Variants in YTHDC1 observed in about 807,000 individuals in gnomAD.
YTHDC1 encodes the protein YTH N6-methyladenosine RNA binding protein C1, also known as YTH domain-containing protein 1.
A neutral mutation model predicts 107.0 loss-of-function variants in YTHDC1; 12 were observed. That is an observed-to-expected ratio of 0.11 (90% CI 0.07 to 0.18). YTHDC1 has a LOEUF of 0.18. Ranked by LOEUF, YTHDC1 falls within the 10% of genes least tolerant of loss-of-function variation. The probability of loss-of-function intolerance (pLI) is 1.00; values close to 1 mark genes in which losing one functional copy is unlikely to be tolerated. For synonymous variants in YTHDC1, 280 were observed against 289.5 expected (o/e 0.97, Z 0.33); for missense variants, 635 against 898.8 (o/e 0.71, Z 3.75).
intron 11 of YTHDC1, among the ~76,000 whole-genome samples, chr4:68,321,109 C>T (rs1193531331): frequency 1.3e-5 from 2 of 149,808 alleles, no homozygotes; most frequent in Non-Finnish European, 3.0e-5. Flanking sequence ...AAGAGTTAAA[C>T]AAAAAAAAAG....
At chr4:68,339,899 T>C (rs1428670573) in intron 1 of YTHDC1, among the ~76,000 whole-genome samples, 5 of 152,324 alleles carry the variant, frequency 3.3e-5, no homozygotes, top group East Asian at 1.9e-4. Flanking sequence ...CACTTCTACC[T>C]TGTCCAACAA....
At chr4:68,347,132 C>T (rs183613740) in intron 1 of YTHDC1, among the ~76,000 whole-genome samples, 3 of 152,152 alleles carry the variant, frequency 2.0e-5, no homozygotes, top group Non-Finnish European at 4.4e-5. Context: ...GACAGATGTA[C>T]TCCGGGCACT....
intron 1 of YTHDC1, among the ~76,000 whole-genome samples, chr4:68,347,332 T>C (rs1725561963): frequency 6.6e-6 from 1 of 152,218 alleles, no homozygotes; most frequent in Non-Finnish European, 1.5e-5. Context: ...TTCCTCCTTA[T>C]ATAGAAAAAT....
intron 1 of YTHDC1, among the ~76,000 whole-genome samples, chr4:68,348,511 A>G (rs1056163458): frequency 6.7e-6 from 1 of 149,368 alleles, no homozygotes; most frequent in Non-Finnish European, 1.5e-5. Flanking sequence ...GAGATTTTTT[A>G]GCATTTAGTT....
intron 1 of YTHDC1, 51 bp from the exon 2 acceptor site, chr4:68,338,435 G>A (rs767579751): frequency 2.9e-6 from 4 of 1,369,326 alleles, no homozygotes; most frequent in Non-Finnish European, 4.0e-6. Context: ...CATTGAACAT[G>A]TATTTTTGAG....
At chr4:68,338,731 C>T (rs1049315343) in intron 1 of YTHDC1, among the ~76,000 whole-genome samples, 1 of 152,124 alleles carries the variant, frequency 6.6e-6, no homozygotes, top group African/African-American at 2.4e-5. Flanking sequence ...ATGCCTTTAA[C>T]CCCAGCTACT....
intron 1 of YTHDC1, among the ~76,000 whole-genome samples, chr4:68,347,465 T>C (rs188404079): frequency 1.2e-3 from 176 of 152,354 alleles, no homozygotes; most frequent in African/African-American, 3.9e-3. Context: ...CTGCAGCTTC[T>C]AGGTATGAGT....
At chr4:68,321,411 T>A (rs1722434175) in intron 11 of YTHDC1, among the ~76,000 whole-genome samples, 1 of 152,198 alleles carries the variant, frequency 6.6e-6, no homozygotes, top group Non-Finnish European at 1.5e-5. Flanking sequence ...ACGACCGGTA[T>A]AAAACATGAT....
intron 8 of YTHDC1, 33 bp downstream of exon 8, chr4:68,330,168 TG>T: frequency 6.4e-7 from 1 of 1,568,584 alleles, no homozygotes. Context: ...ATATAATTAA[TG>T]TTTTTATATG....
chr4:68,311,002 T>C lies in YTHDC1; in HGVS notation c.*3097A>G, dbSNP rs1437613499. ...GTATGAGATCCTGATTTAATGGACATCTGCTAAATTTCCTCTGTCCATGTC... is the reference window on the plus strand; with the variant it reads ...GTATGAGATCCTGATTTAATGGACACCTGCTAAATTTCCTCTGTCCATGTC... On this transcript the variant is annotated 3_prime_UTR_variant, in exon 17 of 17. Transcript: ENST00000344157. 6.6e-6 allele frequency: 1 copy of C among 152,200 alleles called. No individual in the cohort carries two copies. The highest frequency in any genetic ancestry group is 1.5e-5 in the Non-Finnish European group (1 of 68,036). 9.4% of individuals were successfully genotyped at this position (152,200 alleles called of 1,614,324 possible).
chr4:68,335,667 G>A (rs1473996968), intron 4 of YTHDC1, among the ~76,000 whole-genome samples: 2 of 151,778 alleles, frequency 1.3e-5, no homozygotes, highest in Non-Finnish European at 1.5e-5. Context: ...CCTACCCAAG[G>A]GAGTGGTTTC....
chr4:68,348,237 A>T (rs1404493492), intron 1 of YTHDC1, among the ~76,000 whole-genome samples: 2 of 152,200 alleles, frequency 1.3e-5, no homozygotes, highest in Non-Finnish European at 2.9e-5. Context: ...CATCTTAGAC[A>T]ACGAATTCTT....
At chr4:68,314,456 C>G in intron 16 of YTHDC1, 133 bp from the exon 17 acceptor site, 1 of 702,180 alleles carries the variant, frequency 1.4e-6, no homozygotes, top group Non-Finnish European at 2.2e-6. Flanking sequence ...TTATAATCGG[C>G]GGAGAGAACA....
Position 68,316,307 on chromosome 4 carries a change from C to T in YTHDC1, c.1959+7G>A. The T allele has an allele frequency of 6.2e-7, 1 of 1,609,592 alleles. No individual in the cohort carries two copies. The highest frequency in any genetic ancestry group is 8.5e-7 in the Non-Finnish European group (1 of 1,177,786). ...TCCCTCACACCTTTGCCTCCTTGTG[C>T]ACTTACTACTCGTTTATCTCTGTAT... On this transcript the variant is annotated splice_region_variant and intron_variant, in intron 16 of 16. Transcript: ENST00000344157.
At chr4:68,347,737 A>G (rs1242928232) in intron 1 of YTHDC1, among the ~76,000 whole-genome samples, 1 of 152,186 alleles carries the variant, frequency 6.6e-6, no homozygotes, top group Non-Finnish European at 1.5e-5. Flanking sequence ...ATGTAAGACA[A>G]TAAAGCGCTT....
chr4:68,336,048 G>A (rs1578057634), intron 4 of YTHDC1, among the ~76,000 whole-genome samples: 1 of 147,498 alleles, frequency 6.8e-6, no homozygotes. Flanking sequence ...TCTGTATATA[G>A]TATAGGTAGA....
In YTHDC1 at chr4:68,314,073, A is replaced by G. The variant is rs986103929; in HGVS notation, c.*26T>C. The G allele has an allele frequency of 3.1e-6, 5 of 1,599,110 alleles. No individual in the cohort carries two copies. The highest frequency in any genetic ancestry group is 4.3e-6 in the Non-Finnish European group (5 of 1,172,840). ...AAAATACAAGATTTTTTGTATCTTT[A>G]AACAATCAGTGCTTCCAAAAGCCCA... On this transcript the variant is annotated 3_prime_UTR_variant, in exon 17 of 17. Coordinates refer to ENST00000344157, the MANE Select transcript of YTHDC1 (RefSeq NM_001031732.4).
rs564211618 is a variant in YTHDC1 at position 68,349,869 on chromosome 4, C to T, written c.-116G>A. 2.0e-5 allele frequency: 29 copies of T among 1,459,638 alleles called. No homozygotes were observed. The highest frequency in any genetic ancestry group is 2.5e-5 in the Non-Finnish European group (26 of 1,054,200). The allele number at this position is 1,459,638 out of a possible 1,614,324, so 90.4% of individuals were successfully genotyped here. On this transcript the variant is annotated 5_prime_UTR_variant, in exon 1 of 17. Coordinates refer to ENST00000344157, the MANE Select transcript of YTHDC1 (RefSeq NM_001031732.4). Reference sequence around the variant, plus strand: ...GTCCGTCAGTCCGTCTGCCCGGATACGCGCGTCGCACTTGGCCTCTTAACA... The same window carrying T: ...GTCCGTCAGTCCGTCTGCCCGGATATGCGCGTCGCACTTGGCCTCTTAACA...
Position 68,316,556 on chromosome 4 carries a change from C to T in YTHDC1, c.1825-108G>A, listed in dbSNP as rs1721878629. 19 of 1,300,424 alleles carry T rather than the reference C, an allele frequency of 1.5e-5. No homozygotes were observed. In the South Asian group the frequency reaches 3.1e-4, roughly 21 times the overall value. 80.6% of individuals were successfully genotyped at this position (1,300,424 alleles called of 1,614,324 possible). On this transcript the variant is annotated intron_variant, in intron 15 of 16. Transcript: ENST00000344157. Reference sequence around the variant, plus strand: ...CCAATCCCAAACAAGTGAATCTGTACTAGACATTTACTTTGATGGCATTAA... The same window carrying T: ...CCAATCCCAAACAAGTGAATCTGTATTAGACATTTACTTTGATGGCATTAA...
Sources: allele counts gnomAD v4.1 joint callset (sites outside exome capture counted in the v4.1 genomes callset), GRCh38; gene constraint gnomAD v4.1.1; transcripts MANE v1.5; gene names NCBI Gene and HGNC (gene_info 2026-07-23, HGNC 2026-07-21).